NDUFAF2: variants seen among roughly 807,000 people sequenced by gnomAD.
NDUFAF2 encodes NADH dehydrogenase [ubiquinone] 1 alpha subcomplex assembly factor 2.
In NDUFAF2, 13 loss-of-function variants were observed where a neutral mutation model predicts 22.8. The observed-to-expected ratio is 0.57, with a 90% CI of 0.37 to 0.91. The LOEUF is 0.91. Among genes scored for constraint, NDUFAF2 ranks in the 40% least tolerant of loss-of-function variants. The pLI is 0.01. For missense variants in NDUFAF2, 162 were observed against 195.2 expected, an observed-to-expected ratio of 0.83 and a Z score of 1.01; for synonymous variants, 53 against 64.2, an observed-to-expected ratio of 0.83 and a Z score of 0.84.
intron 3 of NDUFAF2, among the ~76,000 whole-genome samples, chr5:61,111,819 C>T (rs554671051): frequency 6.6e-6 from 1 of 152,146 alleles, no homozygotes; most frequent in East Asian, 1.9e-4. Flanking sequence ...TGGGTTTCAC[C>T]GTGTTAGCCA....
Position 61,152,965 on chromosome 5 carries a change from G to A in NDUFAF2, c.*10G>A. ...GAGCCACAATCAATGAATGCATTAT[G>A]GTCAAATCTTTTCATGTATATGGAT... is the stretch of plus-strand genomic sequence containing the variant. On this transcript the variant is annotated 3_prime_UTR_variant, in exon 4 of 4. Transcript: ENST00000296597. 1 of 1,613,392 alleles carries A rather than the reference G, an allele frequency of 6.2e-7. No homozygotes were observed. Among genetic ancestry groups the A allele is most frequent in the Non-Finnish European group, 8.5e-7 (1 of 1,179,588 alleles).
chr5:60,945,509 C>T, intron 1 of NDUFAF2, 127 bp downstream of exon 1: 2 of 1,391,142 alleles, frequency 1.4e-6, no homozygotes, highest in Non-Finnish European at 2.0e-6. Flanking sequence ...GAGAGAATTT[C>T]CCGAGTTCGT....
At chr5:60,986,559 G>A (rs908243199) in intron 1 of NDUFAF2, among the ~76,000 whole-genome samples, 4 of 152,002 alleles carry the variant, frequency 2.6e-5, no homozygotes, top group African/African-American at 7.2e-5. Flanking sequence ...AACTAGACAG[G>A]TAAGGGCAAA....
chr5:61,037,311 A>G (rs1324944335), intron 1 of NDUFAF2, among the ~76,000 whole-genome samples: 1 of 152,222 alleles, frequency 6.6e-6, no homozygotes, highest in Non-Finnish European at 1.5e-5. Flanking sequence ...TAAAGGGTTG[A>G]CAGTTTTTGT....
intron 3 of NDUFAF2, among the ~76,000 whole-genome samples, chr5:61,103,078 A>G (rs1752721883): frequency 6.6e-6 from 1 of 152,138 alleles, no homozygotes; most frequent in Non-Finnish European, 1.5e-5. Flanking sequence ...CTGTGATCAA[A>G]CAGTAATTCT....
chr5:61,121,244 T>G (rs1752972448), intron 3 of NDUFAF2, among the ~76,000 whole-genome samples: 1 of 152,214 alleles, frequency 6.6e-6, no homozygotes, highest in South Asian at 2.1e-4. Context: ...ATATTTCATG[T>G]GTTCAAATGT....
At chr5:61,077,428 G>A (rs547903267) in intron 2 of NDUFAF2, among the ~76,000 whole-genome samples, 1 of 152,260 alleles carries the variant, frequency 6.6e-6, no homozygotes, top group Admixed American at 6.5e-5. Context: ...TTAAATACAG[G>A]AACTATTTTG....
intron 1 of NDUFAF2, among the ~76,000 whole-genome samples, chr5:60,992,520 T>G (rs968383999): frequency 1.3e-5 from 2 of 152,194 alleles, no homozygotes; most frequent in Non-Finnish European, 2.9e-5. Context: ...AATTCATCAT[T>G]TAGTCTTTCT....
intron 1 of NDUFAF2, among the ~76,000 whole-genome samples, chr5:60,985,345 A>G (rs543127511): frequency 6.6e-5 from 10 of 151,864 alleles, no homozygotes; most frequent in South Asian, 2.1e-4. Context: ...CAGAAAACCA[A>G]CTCCTGGATT....
chr5:61,039,340 A>T (rs537373693), intron 1 of NDUFAF2, among the ~76,000 whole-genome samples: 1 of 152,186 alleles, frequency 6.6e-6, no homozygotes, highest in Admixed American at 6.5e-5. Flanking sequence ...TCTGAAGAAT[A>T]GAACATCTAT....
intron 3 of NDUFAF2, 146 bp downstream of exon 3, chr5:61,099,178 A>G (rs1752677658): frequency 6.7e-6 from 2 of 296,488 alleles, no homozygotes; most frequent in Non-Finnish European, 1.3e-5. Context: ...ATAAATTAAT[A>G]TATAAACCTA....
At chr5:61,105,456 AC>A in intron 3 of NDUFAF2, among the ~76,000 whole-genome samples, 1 of 150,978 alleles carries the variant, frequency 6.6e-6, no homozygotes, top group Non-Finnish European at 1.5e-5. Context: ...CCCACTCCTC[AC>A]CCCAAACTTC....
chr5:61,145,160 C>G (rs1741120470), intron 3 of NDUFAF2, among the ~76,000 whole-genome samples: 1 of 152,162 alleles, frequency 6.6e-6, no homozygotes, highest in Non-Finnish European at 1.5e-5. Flanking sequence ...CAAGTTGCAG[C>G]ATTGAATGCA....
chr5:61,131,092 T>G (rs755415692), intron 3 of NDUFAF2, among the ~76,000 whole-genome samples: 4 of 152,114 alleles, frequency 2.6e-5, no homozygotes, highest in Non-Finnish European at 4.4e-5. Flanking sequence ...GGAAAAGTTT[T>G]AAAATACAGA....
rs190490045 is a variant in NDUFAF2 at position 61,006,781 on chromosome 5, G to A, written c.127+61399G>A. Among the ~76,000 whole-genome samples the A allele has an allele frequency of 3.4e-3, 515 of 152,106 alleles. 2 individuals are homozygous for A. Among genetic ancestry groups the A allele is most frequent in the Non-Finnish European group, 5.2e-3 (351 of 67,954 alleles). On this transcript the variant is annotated intron_variant, in intron 1 of 3. Coordinates refer to ENST00000296597, the MANE Select transcript of NDUFAF2 (RefSeq NM_174889.5). ...GTCTAGAGAATGTATTGCAGTACAG[G>A]TATTACCATCTAGTTAGTTAATATT...
chr5:61,041,167 T>C (rs1267894277), intron 1 of NDUFAF2, among the ~76,000 whole-genome samples: 1 of 152,168 alleles, frequency 6.6e-6, no homozygotes, highest in Non-Finnish European at 1.5e-5. Context: ...AGAGGATATA[T>C]ACAAATTTAA....
At chr5:60,971,703 A>T (rs1750833740) in intron 1 of NDUFAF2, among the ~76,000 whole-genome samples, 1 of 150,590 alleles carries the variant, frequency 6.6e-6, no homozygotes, top group Non-Finnish European at 1.5e-5. Context: ...ATGAGTGAGA[A>T]CATGCGGTGT....
At chr5:61,026,707 T>A (rs551658570) in intron 1 of NDUFAF2, among the ~76,000 whole-genome samples, 41 of 152,220 alleles carry the variant, frequency 2.7e-4, no homozygotes, top group African/African-American at 8.9e-4. Context: ...TTTAAAAATT[T>A]TTTGAATGGA....
chr5:61,085,716 A>G (rs1262292680), intron 2 of NDUFAF2, among the ~76,000 whole-genome samples: 3 of 152,216 alleles, frequency 2.0e-5, no homozygotes, highest in Non-Finnish European at 4.4e-5. Flanking sequence ...AATACCAAAC[A>G]ATTTCTAAGT....
Sources: gnomAD v4.1 joint callset for allele counts (sites outside exome capture counted in the v4.1 genomes callset) on GRCh38, gnomAD v4.1.1 for gene constraint, MANE v1.5 for transcripts, NCBI Gene and HGNC (gene_info 2026-07-23, HGNC 2026-07-21) for gene names.